Variants in RELN observed in about 807,000 individuals in gnomAD.
RELN encodes the protein reelin.
Under a neutral mutation model 427.6 loss-of-function variants are expected in RELN, and 108 were observed. The observed-to-expected ratio is 0.25, with a 90% confidence interval of 0.22 to 0.30. The LOEUF (loss-of-function observed/expected upper bound fraction) is 0.30, where lower values mean the gene tolerates loss of function less well. Among genes scored for constraint, RELN ranks in the 10% least tolerant of loss-of-function variants. The probability of loss-of-function intolerance (pLI) is 1.00; values close to 1 mark genes in which losing one functional copy is unlikely to be tolerated. For missense variants in RELN, 3,715 were observed against 4,302.8 expected (o/e 0.86, Z 3.82); for synonymous variants, 1,524 against 1,513.4 (o/e 1.01, Z -0.16).
chr7:103,892,977 G>A (rs939430523), intron 2 of RELN, among the ~76,000 whole-genome samples: 1 of 152,156 alleles, frequency 6.6e-6, no homozygotes, highest in African/African-American at 2.4e-5. Context: ...GAGAAGAGAG[G>A]GGGACTGACA....
chr7:103,492,113 C>T (rs1828693598), intron 57 of RELN, 87 bp from the exon 58 acceptor site: 1 of 1,023,308 alleles, frequency 9.8e-7, no homozygotes, highest in African/African-American at 1.6e-5. Flanking sequence ...CCATTTATTA[C>T]TCTGATAGGT....
At chr7:103,771,041 G>T (rs535911234) in intron 4 of RELN, among the ~76,000 whole-genome samples, 1 of 151,098 alleles carries the variant, frequency 6.6e-6, no homozygotes, top group Admixed American at 6.6e-5. Context: ...TCGGCTTCTG[G>T]AGTAGCTGGG....
intron 35 of RELN, 30 bp from the exon 36 acceptor site, chr7:103,561,739 A>G (rs1187243428): frequency 6.2e-7 from 1 of 1,613,784 alleles, no homozygotes; most frequent in African/African-American, 1.3e-5. Context: ...GAGAAAAGAC[A>G]TTTGTCACAC....
At chr7:103,814,570 T>C (rs39337) in intron 3 of RELN, among the ~76,000 whole-genome samples, 29,962 of 152,148 alleles carry the variant, frequency 0.2, 3,378 homozygotes, top group Non-Finnish European at 0.25. Flanking sequence ...AGTGTTGTGG[T>C]CTTCAAGTGC....
Position 103,551,294 on chromosome 7 carries a change from G to C in RELN, c.6075C>G (p.Ile2025Met), listed in dbSNP as rs1460725394. Reference protein sequence around the residue: ...VNENTIIQFEINVGCSTDSSS... With the variant: ...VNENTIIQFEMNVGCSTDSSS... ...AGCTATCAGTCGAACAGCCAACGTT[G>C]ATCTTGGGGATGAAGAAAAAAATGA... is the stretch of plus-strand genomic sequence containing the variant. Residue 2025 changes from isoleucine to methionine, a missense_variant and splice_region_variant, in exon 41 of 65, where the codon ATC (isoleucine) becomes ATG (methionine). Transcript: ENST00000428762. 1 of 1,610,594 alleles carries C rather than the reference G, an allele frequency of 6.2e-7. No individual in the cohort carries two copies.
intron 11 of RELN, among the ~76,000 whole-genome samples, chr7:103,664,908 T>C (rs1446521185): frequency 1.3e-5 from 2 of 152,134 alleles, no homozygotes; most frequent in Non-Finnish European, 2.9e-5. Context: ...TTTTTTTCAC[T>C]TTGTTTATGT....
chr7:103,826,997 C>CT (rs201344580), intron 3 of RELN, among the ~76,000 whole-genome samples: 9,978 of 130,740 alleles, frequency 0.076, 500 homozygotes, highest in African/African-American at 0.16. Flanking sequence ...TTTGCTATAG[C>CT]TTTTTTTTTT....
chr7:103,518,505 G>GTTTTTTTTTTTTTT (rs58239018), intron 49 of RELN, among the ~76,000 whole-genome samples: 1,427 of 114,012 alleles, frequency 0.013, 180 homozygotes, highest in African/African-American at 0.055. Flanking sequence ...GGTAATTTAA[G>GTTTTTTTTTTTTTT]TTTTTTTTTT....
chr7:103,907,042 A>C (rs1434408772), intron 2 of RELN, among the ~76,000 whole-genome samples: 1 of 152,184 alleles, frequency 6.6e-6, no homozygotes, highest in East Asian at 1.9e-4. Flanking sequence ...ACATATCCAT[A>C]CAATGGAATA....
chr7:103,958,604 T>C (rs1796483967), intron 1 of RELN, among the ~76,000 whole-genome samples: 1 of 152,078 alleles, frequency 6.6e-6, no homozygotes, highest in Non-Finnish European at 1.5e-5. Flanking sequence ...TGTAGGAGTG[T>C]ATGGGTGTAC....
At chr7:103,718,038 C>T (rs911203984) in intron 8 of RELN, among the ~76,000 whole-genome samples, 1 of 152,074 alleles carries the variant, frequency 6.6e-6, no homozygotes, top group African/African-American at 2.4e-5. Flanking sequence ...GACATTTTAT[C>T]CTTTACATCT....
chr7:103,747,929 T>C (rs538555556), intron 6 of RELN, among the ~76,000 whole-genome samples: 16 of 151,758 alleles, frequency 1.1e-4, no homozygotes, highest in African/African-American at 3.4e-4. Flanking sequence ...TCACATTTTA[T>C]TGATTTAAAC....
At chr7:103,875,901 T>A (rs1584322536) in intron 2 of RELN, among the ~76,000 whole-genome samples, 1 of 152,078 alleles carries the variant, frequency 6.6e-6, no homozygotes, top group Non-Finnish European at 1.5e-5. Flanking sequence ...TCAAGAGGCT[T>A]AGGGCATAAT....
chr7:103,959,300 A>C (rs1342348637), intron 1 of RELN, among the ~76,000 whole-genome samples: 1 of 152,118 alleles, frequency 6.6e-6, no homozygotes, highest in East Asian at 1.9e-4. Flanking sequence ...ATGAATTCGC[A>C]TGGATTTCCT....
chr7:103,895,148 A>C (rs1001298797), intron 2 of RELN, among the ~76,000 whole-genome samples: 1 of 152,152 alleles, frequency 6.6e-6, no homozygotes, highest in Non-Finnish European at 1.5e-5. Context: ...ATGCACTGGC[A>C]AGAAAAACAG....
At chr7:103,806,058 G>A (rs563454283) in intron 3 of RELN, among the ~76,000 whole-genome samples, 8 of 152,264 alleles carry the variant, frequency 5.3e-5, no homozygotes, top group East Asian at 1.9e-4. Context: ...AATGCTCTAC[G>A]CATTGGTAAG....
chr7:103,689,315 T>TA (rs11387733), intron 10 of RELN, among the ~76,000 whole-genome samples: 150,051 of 151,742 alleles, frequency 0.99, 74,190 homozygotes, highest in Middle Eastern at 1. Context: ...TTCTTAAAAA[T>TA]AAAAAAAATG....
At chr7:103,797,693 A>G (rs1177006981) in intron 3 of RELN, among the ~76,000 whole-genome samples, 2 of 152,176 alleles carry the variant, frequency 1.3e-5, no homozygotes, top group Non-Finnish European at 2.9e-5. Flanking sequence ...TAAATTACCA[A>G]CCAACCCTAT....
chr7:103,784,674 T>C (rs1791974702), intron 3 of RELN, among the ~76,000 whole-genome samples: 2 of 152,188 alleles, frequency 1.3e-5, no homozygotes, highest in Admixed American at 1.3e-4. Flanking sequence ...CAAACCATTA[T>C]GGATTATGAA....
Sources: allele counts gnomAD v4.1 joint callset (sites outside exome capture counted in the v4.1 genomes callset), GRCh38; gene constraint gnomAD v4.1.1; transcripts MANE v1.5; gene names NCBI Gene and HGNC (gene_info 2026-07-23, HGNC 2026-07-21).